MAP7: variants seen among roughly 807,000 people sequenced by gnomAD.
MAP7 encodes microtubule associated protein 7.
Under a neutral mutation model 94.8 loss-of-function variants are expected in MAP7, and 52 were observed. The observed-to-expected ratio is 0.55, with a 90% CI of 0.44 to 0.69. The LOEUF is 0.69. Among genes scored for constraint, MAP7 ranks in the 30% least tolerant of loss-of-function variants. MAP7 has a pLI of 0.00. For synonymous variants in MAP7, 350 were observed against 357.0 expected, an observed-to-expected ratio of 0.98 and a Z score of 0.22; for missense variants, 940 against 964.6, an observed-to-expected ratio of 0.97 and a Z score of 0.34.
chr6:136,546,823 T>C (rs949285795), intron 1 of MAP7, among the ~76,000 whole-genome samples: 1 of 152,230 alleles, frequency 6.6e-6, no homozygotes, highest in East Asian at 1.9e-4. Flanking sequence ...TTCTCATGCA[T>C]TGGGAGGCAA....
intron 2 of MAP7, among the ~76,000 whole-genome samples, chr6:136,417,510 T>C (rs752248059): frequency 2.0e-5 from 3 of 152,248 alleles, no homozygotes; most frequent in Admixed American, 1.3e-4. Flanking sequence ...TAAATACTTC[T>C]GTATTTCTGT....
At chr6:136,499,709 C>A (rs1414523419) in intron 1 of MAP7, among the ~76,000 whole-genome samples, 1 of 152,086 alleles carries the variant, frequency 6.6e-6, no homozygotes, top group Non-Finnish European at 1.5e-5. Context: ...TTTTAAAAAA[C>A]CCTGAATGGC....
Position 136,421,758 on chromosome 6 carries a change from T to C in MAP7, c.109A>G (p.Ser37Gly). ...CCTGAAATTGCAGAGGCAGGGCGGC[T>C]GGAGGCATTTTTCTTATCTTGCACT... ...YKVQDKKNAS[S>G]RPASAISGQN... is the part of the protein sequence containing the mutation. The change falls in exon 2 of 18, where the codon AGC becomes GGC. Residue 37 changes from serine to glycine, a missense_variant. Coordinates refer to ENST00000354570, the MANE Select transcript of MAP7 (RefSeq NM_003980.6). The C allele has an allele frequency of 6.2e-7, 1 of 1,613,994 alleles. No homozygotes were observed.
chr6:136,407,056 A>G (rs1346087817), intron 3 of MAP7, among the ~76,000 whole-genome samples: 1 of 152,228 alleles, frequency 6.6e-6, no homozygotes, highest in Non-Finnish European at 1.5e-5. Context: ...TTTGTTACTA[A>G]ATGGGATTAT....
chr6:136,514,580 CAAAAAAAAAAAAAAA>C (rs1046225937), intron 1 of MAP7, among the ~76,000 whole-genome samples: 4 of 49,050 alleles, frequency 8.2e-5, no homozygotes, highest in South Asian at 8.8e-4. Context: ...GACTCTGTCT[CAAAAAAAAAAAAAAA>C]AAAAAAAAAA....
At chr6:136,525,968 G>A (rs767216221) in intron 1 of MAP7, 27 of 1,486,396 alleles carry the variant, frequency 1.8e-5, no homozygotes, top group East Asian at 7.5e-5. Context: ...CAGGCATACC[G>A]CTGCTACTTG....
chr6:136,527,080 A>G (rs1262194473), intron 1 of MAP7, among the ~76,000 whole-genome samples: 1 of 151,740 alleles, frequency 6.6e-6, no homozygotes, highest in East Asian at 1.9e-4. Flanking sequence ...CACCCAGCAC[A>G]CCCCCCACCC....
intron 11 of MAP7, 127 bp from the exon 12 acceptor site, chr6:136,361,306 C>T (rs1792701535): frequency 3.3e-6 from 3 of 900,328 alleles, no homozygotes; most frequent in Non-Finnish European, 1.7e-6. Context: ...CCACTGGATG[C>T]CTTCACCACT....
chr6:136,483,514 T>C (rs1324258612), intron 1 of MAP7, among the ~76,000 whole-genome samples: 1 of 152,042 alleles, frequency 6.6e-6, no homozygotes, highest in Non-Finnish European at 1.5e-5. Context: ...ATAAAAGTAT[T>C]TTACAAATTA....
intron 16 of MAP7, among the ~76,000 whole-genome samples, chr6:136,352,308 C>A (rs1789473310): frequency 6.6e-6 from 1 of 151,750 alleles, no homozygotes; most frequent in Non-Finnish European, 1.5e-5. Context: ...CCACCTCAGT[C>A]TCCTGAGTAG....
chr6:136,398,533 C>G (rs188964016), intron 3 of MAP7, among the ~76,000 whole-genome samples: 2 of 152,160 alleles, frequency 1.3e-5, no homozygotes, highest in East Asian at 3.8e-4. Context: ...GGAGGGACCC[C>G]GTGGGACATA....
chr6:136,354,280 T>G (rs1790161002), intron 16 of MAP7, among the ~76,000 whole-genome samples: 1 of 145,450 alleles, frequency 6.9e-6, no homozygotes, highest in Non-Finnish European at 1.5e-5. Context: ...ATATATCTAC[T>G]ATATATAAAA....
intron 3 of MAP7, among the ~76,000 whole-genome samples, chr6:136,401,695 G>A (rs1264869295): frequency 6.6e-6 from 1 of 151,830 alleles, no homozygotes; most frequent in Non-Finnish European, 1.5e-5. Context: ...ATGAGTTAAT[G>A]GGTGCAGCAC....
At chr6:136,388,571 T>C (rs755721132) in intron 4 of MAP7, 61 bp from the exon 5 acceptor site, 7 of 1,361,198 alleles carry the variant, frequency 5.1e-6, no homozygotes, top group Admixed American at 5.1e-5. Context: ...GCTTCTTCAA[T>C]TTAAGGCAGA....
intron 2 of MAP7, among the ~76,000 whole-genome samples, chr6:136,417,033 CGCTTG>C (rs1789708192): frequency 6.6e-6 from 1 of 152,066 alleles, no homozygotes; most frequent in Non-Finnish European, 1.5e-5. Context: ...GTGACAGGAT[CGCTTG>C]AGGCTGGGAG....
chr6:136,482,694 G>A (rs1368007792), intron 1 of MAP7, among the ~76,000 whole-genome samples: 3 of 152,036 alleles, frequency 2.0e-5, no homozygotes, highest in Non-Finnish European at 4.4e-5. Flanking sequence ...ATCAATGGTA[G>A]GCACGATAAA....
At chr6:136,517,245 C>T (rs1825132543) in intron 1 of MAP7, among the ~76,000 whole-genome samples, 1 of 152,212 alleles carries the variant, frequency 6.6e-6, no homozygotes, top group Admixed American at 6.5e-5. Context: ...GAACAAAGAT[C>T]CAGTCACATA....
At chr6:136,373,136 A>G (rs1775062551) in intron 7 of MAP7, among the ~76,000 whole-genome samples, 1 of 152,242 alleles carries the variant, frequency 6.6e-6, no homozygotes, top group Admixed American at 6.5e-5. Flanking sequence ...TCAGGATTCA[A>G]ATTCAACAGC....
At chr6:136,386,578 T>C (rs965600446) in intron 5 of MAP7, among the ~76,000 whole-genome samples, 5 of 152,130 alleles carry the variant, frequency 3.3e-5, no homozygotes, top group African/African-American at 1.2e-4. Flanking sequence ...AAAACAAATA[T>C]ATGATTATAA....
Sources: gnomAD v4.1 joint callset for allele counts (sites outside exome capture counted in the v4.1 genomes callset) on GRCh38, gnomAD v4.1.1 for gene constraint, MANE v1.5 for transcripts, NCBI Gene and HGNC (gene_info 2026-07-23, HGNC 2026-07-21) for gene names.